MAGI2: variants seen among roughly 807,000 people sequenced by gnomAD.
The protein encoded by MAGI2 is membrane-associated guanylate kinase, WW and PDZ domain-containing protein 2.
MAGI2 carries 35 observed loss-of-function variants against 133.3 expected under a neutral mutation model. The observed-to-expected ratio is 0.26, with a 90% CI of 0.20 to 0.35. MAGI2 has a LOEUF of 0.35. Ranked by LOEUF, MAGI2 falls within the 10% of genes least tolerant of loss-of-function variation. The probability of loss-of-function intolerance (pLI) is 1.00; values close to 1 mark genes in which losing one functional copy is unlikely to be tolerated. For missense variants in MAGI2, 1,636 were observed against 1,863.4 expected (o/e 0.88, Z 2.25); for synonymous variants, 729 against 710.6 (o/e 1.03, Z -0.41).
chr7:78,517,337 G>A (rs1796129477), intron 4 of MAGI2, among the ~76,000 whole-genome samples: 1 of 152,092 alleles, frequency 6.6e-6, no homozygotes, highest in African/African-American at 2.4e-5. Flanking sequence ...AATCCTCTAA[G>A]CTGCAGGATT....
At chr7:79,407,056 T>C (rs1845853101) in intron 1 of MAGI2, among the ~76,000 whole-genome samples, 1 of 152,158 alleles carries the variant, frequency 6.6e-6, no homozygotes, top group Non-Finnish European at 1.5e-5. Flanking sequence ...CTTAGAAAGA[T>C]GGATTATTAA....
At chr7:78,396,111 G>A (rs1796321687) in intron 6 of MAGI2, among the ~76,000 whole-genome samples, 1 of 152,202 alleles carries the variant, frequency 6.6e-6, no homozygotes, top group South Asian at 2.1e-4. Context: ...GGACAATTTG[G>A]AGAGGGTGCA....
At chr7:79,198,966 T>G (rs1300648546) in intron 1 of MAGI2, among the ~76,000 whole-genome samples, 1 of 151,884 alleles carries the variant, frequency 6.6e-6, no homozygotes, top group Non-Finnish European at 1.5e-5. Context: ...GCCTACCAGC[T>G]TTCCAAAGAC....
intron 10 of MAGI2, chr7:78,254,713 T>C (rs898816617): frequency 6.6e-6 from 1 of 152,184 alleles, no homozygotes; most frequent in Admixed American, 6.5e-5. Context: ...AAAAGGTGCT[T>C]CTTTCTTTCA....
rs553298304 is a variant in MAGI2, at chr7:79,440,958, A to T, written c.301+12062T>A. Among the ~76,000 whole-genome samples, 8 of 152,338 alleles carry T rather than the reference A, an allele frequency of 5.3e-5. No individual in the cohort carries two copies. The East Asian group carries it at 1.5e-3, about 29-fold the overall frequency. ...CACGTCCATGTGGAGCAACTTTCAT[A>T]GGCAGAAAAGTAAATAGTCTTTTGT... is the stretch of plus-strand genomic sequence containing the variant. On this transcript the variant is annotated intron_variant, in intron 1 of 21. Coordinates refer to ENST00000354212, the MANE Select transcript of MAGI2 (RefSeq NM_012301.4).
intron 3 of MAGI2, among the ~76,000 whole-genome samples, chr7:78,622,378 G>A (rs543094984): frequency 6.6e-6 from 1 of 152,180 alleles, no homozygotes; most frequent in Non-Finnish European, 1.5e-5. Context: ...GCATGAGACT[G>A]CAGTAGGCGA....
At chr7:78,920,773 T>C in intron 2 of MAGI2, among the ~76,000 whole-genome samples, 1 of 152,108 alleles carries the variant, frequency 6.6e-6, no homozygotes, top group South Asian at 2.1e-4. Flanking sequence ...ATACCCAGCC[T>C]AAAATAAAAT....
chr7:78,027,648 GAA>G (rs10590756), intron 21 of MAGI2, among the ~76,000 whole-genome samples: 22,240 of 141,736 alleles, frequency 0.16, 2,557 homozygotes, highest in East Asian at 0.51. Flanking sequence ...AAAAAAGAAA[GAA>G]AAAGAAAAAG....
intron 1 of MAGI2, among the ~76,000 whole-genome samples, chr7:79,311,416 G>A (rs555219170): frequency 4.2e-4 from 64 of 152,116 alleles, no homozygotes; most frequent in Non-Finnish European, 2.8e-4. Context: ...ATTCAAAGTC[G>A]TCCTGGGCTG....
chr7:78,679,970 T>C (rs112910342), intron 2 of MAGI2, among the ~76,000 whole-genome samples: 3,063 of 152,240 alleles, frequency 0.02, 46 homozygotes, highest in Middle Eastern at 0.082. Flanking sequence ...GATGAGACAT[T>C]AATAAAACCA....
intron 2 of MAGI2, among the ~76,000 whole-genome samples, chr7:78,870,958 A>C (rs1409151917): frequency 6.6e-6 from 1 of 152,172 alleles, no homozygotes; most frequent in Non-Finnish European, 1.5e-5. Context: ...TGGAAAACCA[A>C]ATATTATATG....
At chr7:78,931,255 G>C (rs1800096670) in intron 2 of MAGI2, among the ~76,000 whole-genome samples, 1 of 152,034 alleles carries the variant, frequency 6.6e-6, no homozygotes, top group South Asian at 2.1e-4. Flanking sequence ...TTCAATGACT[G>C]GATTTGATTT....
chr7:78,543,524 C>T (rs1798579329), intron 3 of MAGI2, among the ~76,000 whole-genome samples: 1 of 152,164 alleles, frequency 6.6e-6, no homozygotes, highest in African/African-American at 2.4e-5. Context: ...TCAGCAATTT[C>T]CTTTATATGA....
At chr7:79,366,162 A>C (rs1030854748) in intron 1 of MAGI2, among the ~76,000 whole-genome samples, 1 of 151,896 alleles carries the variant, frequency 6.6e-6, no homozygotes, top group African/African-American at 2.4e-5. Context: ...GGATCGCTTG[A>C]GCCCAGGAAG....
Position 79,346,202 on chromosome 7 carries a change from A to G in MAGI2, c.301+106818T>C, listed in dbSNP as rs1278180722. Among the ~76,000 whole-genome samples the G allele has an allele frequency of 3.3e-5, 5 of 152,124 alleles. 1 individual carries two copies. In the East Asian group the frequency reaches 7.7e-4, roughly 23 times the overall value. On this transcript the variant is annotated intron_variant, in intron 1 of 21. Coordinates refer to ENST00000354212, the MANE Select transcript of MAGI2 (RefSeq NM_012301.4). ...TCATTATTGTTTTCATTTTCTTATG[A>G]GTCCTTCCTTCAGCTCACTTCCTAC...
chr7:79,162,640 AG>A (rs1264195431), intron 1 of MAGI2, among the ~76,000 whole-genome samples: 1 of 152,144 alleles, frequency 6.6e-6, no homozygotes, highest in African/African-American at 2.4e-5. Flanking sequence ...ATAGAATTAA[AG>A]GAAAATATTT....
intron 9 of MAGI2, among the ~76,000 whole-genome samples, chr7:78,288,015 C>T (rs1796321312): frequency 6.6e-6 from 1 of 152,090 alleles, no homozygotes; most frequent in Non-Finnish European, 1.5e-5. Context: ...AGAAGAAATG[C>T]CTATAAATAC....
At chr7:78,633,666 A>T (rs1280288886) in intron 2 of MAGI2, among the ~76,000 whole-genome samples, 1 of 145,938 alleles carries the variant, frequency 6.9e-6, no homozygotes, top group East Asian at 2.0e-4. Flanking sequence ...AGATCGCGCC[A>T]CTGCACTCCA....
intron 1 of MAGI2, among the ~76,000 whole-genome samples, chr7:79,408,043 G>T (rs1275794771): frequency 2.0e-5 from 3 of 151,994 alleles, no homozygotes; most frequent in East Asian, 3.9e-4. Flanking sequence ...ATTTACTTTG[G>T]TACAGCTTCT....
Sources: gnomAD v4.1 joint callset for allele counts (sites outside exome capture counted in the v4.1 genomes callset) on GRCh38, gnomAD v4.1.1 for gene constraint, MANE v1.5 for transcripts, NCBI Gene and HGNC (gene_info 2026-07-23, HGNC 2026-07-21) for gene names.